Variants in SLC9B2 observed in about 807,000 individuals in gnomAD.
The protein encoded by SLC9B2 is sodium/hydrogen exchanger 9B2.
In SLC9B2, 39 loss-of-function variants were observed where a neutral mutation model predicts 52.2. The observed-to-expected ratio is 0.75, with a 90% CI of 0.58 to 0.98. The LOEUF (loss-of-function observed/expected upper bound fraction) is 0.98, where lower values mean the gene tolerates loss of function less well. Among genes scored for constraint, SLC9B2 ranks in the 50% least tolerant of loss-of-function variants. The pLI is 0.00. For missense variants in SLC9B2, 626 were observed against 637.5 expected (o/e 0.98, Z 0.19); for synonymous variants, 214 against 227.0 (o/e 0.94, Z 0.51).
At chr4:103,077,098 C>T (rs998094265), upstream of SLC9B2, 1 of 152,098 alleles carries the variant, frequency 6.6e-6, no homozygotes, top group Non-Finnish European at 1.5e-5. Context: ...TTGTGTCTTC[C>T]TTTTCTCTGT....
intron 9 of SLC9B2, among the ~76,000 whole-genome samples, chr4:103,038,570 G>C (rs1167620269): frequency 6.6e-6 from 1 of 152,148 alleles, no homozygotes; most frequent in African/African-American, 2.4e-5. Flanking sequence ...GGGTAATGAA[G>C]ACTGTGTTGT....
At chr4:103,058,603 T>C (rs974455147) in intron 3 of SLC9B2, among the ~76,000 whole-genome samples, 1 of 152,172 alleles carries the variant, frequency 6.6e-6, no homozygotes, top group Non-Finnish European at 1.5e-5. Context: ...GGTTTCATCT[T>C]GTTACCCAGG....
At chr4:103,061,625 G>A (rs181250799) in intron 3 of SLC9B2, among the ~76,000 whole-genome samples, 1 of 152,048 alleles carries the variant, frequency 6.6e-6, no homozygotes, top group East Asian at 1.9e-4. Context: ...AAACCTGGAC[G>A]TCGTGCACAT....
rs146104668 is a variant in SLC9B2 at position 103,073,667 on chromosome 4, A to G, written c.-43+2517T>C. Among the ~76,000 whole-genome samples, 38 of 152,352 alleles carry G rather than the reference A, an allele frequency of 2.5e-4. No individual in the cohort carries two copies. In the East Asian group the frequency reaches 7.3e-3, roughly 29 times the overall value. On this transcript the variant is annotated intron_variant, in intron 1 of 11. Transcript: ENST00000394785. ...AGTAATTTCATTGACTCATGAAGGAAAACACTATATAATGAGATAAGAATA... is the reference window on the plus strand; with the variant it reads ...AGTAATTTCATTGACTCATGAAGGAGAACACTATATAATGAGATAAGAATA...
intron 1 of SLC9B2, among the ~76,000 whole-genome samples, chr4:103,070,296 A>T (rs1319745307): frequency 6.6e-6 from 1 of 152,228 alleles, no homozygotes; most frequent in Admixed American, 6.5e-5. Context: ...TATTATTTAT[A>T]GTCATTGGGT....
rs1742077522 is a variant in SLC9B2 at position 103,024,975 on chromosome 4, C to T, written c.*1395G>A. 2.0e-5 allele frequency among the ~76,000 whole-genome samples: 3 copies of T among 152,292 alleles called. No homozygotes were observed. The highest frequency in any genetic ancestry group is 4.1e-4 in the South Asian group (2 of 4,826). On this transcript the variant is annotated 3_prime_UTR_variant, in exon 12 of 12. Transcript: ENST00000394785. ...GGTTTAAGGCAATGTCTTTCAAAAG[C>T]TTTTGTTTGCATGTAAGAATATGCT...
At chr4:103,065,180 G>GCA (rs58302558) in intron 3 of SLC9B2, among the ~76,000 whole-genome samples, 93,589 of 144,974 alleles carry the variant, frequency 0.65, 30,411 homozygotes, top group South Asian at 0.78. Context: ...GTACACACAC[G>GCA]CACACACACA....
At chr4:103,041,227 G>T (rs143041595) in intron 9 of SLC9B2, among the ~76,000 whole-genome samples, 68 of 152,038 alleles carry the variant, frequency 4.5e-4, no homozygotes, top group African/African-American at 1.5e-3. Flanking sequence ...TAAAGGAATG[G>T]GTAAAAAAAC....
chr4:103,051,291 T>C (rs1744665563), intron 4 of SLC9B2, among the ~76,000 whole-genome samples: 1 of 152,242 alleles, frequency 6.6e-6, no homozygotes, highest in Non-Finnish European at 1.5e-5. Flanking sequence ...GAAAGGTTTC[T>C]GTGAGAGACT....
Position 103,057,945 on chromosome 4 carries a change from C to T in SLC9B2, c.298G>A (p.Val100Ile). The change falls in exon 4 of 12, where the codon GTA becomes ATA. Residue 100 changes from valine (V) to isoleucine (I), a missense_variant. Val to Ile is a conservative substitution (Grantham distance 29). Coordinates refer to ENST00000394785, the MANE Select transcript of SLC9B2 (RefSeq NM_178833.7). ...TCACTGCCAGTAATTGACCAAACTA[C>T]AGCCCACAGAAGAACAATGATGGTA... ...NVTIIVLLWA[V>I]VWSITGSECL... The T allele has an allele frequency of 6.2e-7, 1 of 1,613,174 alleles. No individual in the cohort carries two copies.
intron 1 of SLC9B2, among the ~76,000 whole-genome samples, chr4:103,073,508 CAATT>C (rs1329916721): frequency 6.6e-6 from 1 of 152,178 alleles, no homozygotes; most frequent in Non-Finnish European, 1.5e-5. Flanking sequence ...CTTTCTTAGA[CAATT>C]AATTACTAAA....
chr4:103,042,812 AT>A (rs1404138640), intron 9 of SLC9B2, among the ~76,000 whole-genome samples: 2 of 151,732 alleles, frequency 1.3e-5, no homozygotes, highest in African/African-American at 4.8e-5. Context: ...ACTATATTTT[AT>A]TTATTTTAAG....
At chr4:103,072,987 C>T (rs1484447460) in intron 1 of SLC9B2, among the ~76,000 whole-genome samples, 1 of 152,004 alleles carries the variant, frequency 6.6e-6, no homozygotes, top group African/African-American at 2.4e-5. Flanking sequence ...TGGCTCTTTC[C>T]CTTCCACCAT....
At chr4:103,042,154 C>G (rs779033095) in intron 9 of SLC9B2, 1 of 151,868 alleles carries the variant, frequency 6.6e-6, no homozygotes, top group African/African-American at 2.4e-5. Flanking sequence ...TGGAAGATCC[C>G]CACAGAGATC....
chr4:103,026,021 A>G lies in SLC9B2; in HGVS notation c.*349T>C, dbSNP rs958267034. On this transcript the variant is annotated 3_prime_UTR_variant, in exon 12 of 12. Transcript: ENST00000394785. ...AGAGCCTGGGCAAATATGAATCAGG[A>G]AACTGTGAAAGTTAAAAGTTAGGGC... 3.0e-5 allele frequency: 5 copies of G among 169,198 alleles called. No individual in the cohort carries two copies. Among genetic ancestry groups the G allele is most frequent in the African/African-American group, 1.2e-4 (5 of 42,172 alleles). 10.5% of individuals were successfully genotyped at this position (169,198 alleles called of 1,614,324 possible). A position where few individuals can be genotyped will look rare whatever the true frequency, so the allele number is the denominator to read the frequency against.
chr4:103,047,590 T>G (rs1485862636), intron 6 of SLC9B2, among the ~76,000 whole-genome samples: 1 of 123,758 alleles, frequency 8.1e-6, no homozygotes, highest in East Asian at 2.8e-4. Flanking sequence ...TTCCCCTTCC[T>G]GTGTCCATGT....
At chr4:103,058,392 C>T (rs922099485) in intron 3 of SLC9B2, among the ~76,000 whole-genome samples, 3 of 152,104 alleles carry the variant, frequency 2.0e-5, no homozygotes, top group African/African-American at 7.2e-5. Context: ...TATGGCATCT[C>T]AAACTTTTCT....
Position 103,064,992 on chromosome 4 carries a change from G to A in SLC9B2, c.271+1335C>T, listed in dbSNP as rs186806903. 3.8e-4 allele frequency among the ~76,000 whole-genome samples: 58 copies of A among 152,164 alleles called. 2 individuals are homozygous for A. Among genetic ancestry groups the A allele is most frequent in the Admixed American group, 3.3e-3 (51 of 15,270 alleles). On this transcript the variant is annotated intron_variant, in intron 3 of 11. Transcript: ENST00000394785. Reference sequence around the variant, plus strand: ...GTAACAAGCTACTTGGGAAGCTGAGGTGGGAGGATCCCTTGAGCTTAGGAG... The same window carrying A: ...GTAACAAGCTACTTGGGAAGCTGAGATGGGAGGATCCCTTGAGCTTAGGAG...
Position 103,025,479 on chromosome 4 carries a change from G to A in SLC9B2, c.*891C>T, listed in dbSNP as rs1341494827. On this transcript the variant is annotated 3_prime_UTR_variant, in exon 12 of 12. Coordinates refer to ENST00000394785, the MANE Select transcript of SLC9B2 (RefSeq NM_178833.7). ...GCAGAGTAACCCTGTTGGTATTAAC[G>A]AACCAGCCAGTTTCATTAGACAGAA... The A allele has an allele frequency of 1.3e-5, 2 of 152,156 alleles. No individual in the cohort carries two copies. Among genetic ancestry groups the A allele is most frequent in the Admixed American group, 1.3e-4 (2 of 15,266 alleles). 9.4% of individuals were successfully genotyped at this position (152,156 alleles called of 1,614,324 possible).
Sources: gnomAD v4.1 joint callset for allele counts (sites outside exome capture counted in the v4.1 genomes callset) on GRCh38, gnomAD v4.1.1 for gene constraint, MANE v1.5 for transcripts, NCBI Gene and HGNC (gene_info 2026-07-23, HGNC 2026-07-21) for gene names.